RBPJ: variants seen among roughly 807,000 people sequenced by gnomAD.
The protein encoded by RBPJ is recombining binding protein suppressor of hairless.
Under a neutral mutation model 67.8 loss-of-function variants are expected in RBPJ, and 9 were observed. That is an observed-to-expected ratio of 0.13 (90% CI 0.08 to 0.23). The LOEUF (loss-of-function observed/expected upper bound fraction) is 0.23. RBPJ is among the 10% of genes least tolerant of loss of function. RBPJ has a pLI of 1.00. For missense variants in RBPJ, 305 were observed against 595.6 expected (o/e 0.51, Z 5.08); for synonymous variants, 198 against 203.3 (o/e 0.97, Z 0.22).
chr4:26,264,296 C>T lies in RBPJ; in HGVS notation c.-166-98150C>T, dbSNP rs981210071. Among the ~76,000 whole-genome samples, 1 of 152,150 alleles carries T rather than the reference C, an allele frequency of 6.6e-6. No homozygotes were observed. Among genetic ancestry groups the T allele is most frequent in the African/African-American group, 2.4e-5 (1 of 41,438 alleles). On this transcript the variant is annotated intron_variant, in intron 1 of 4. Transcript: ENST00000512351. The surrounding 1 kb of genome is among the most constrained non-coding windows in gnomAD (Gnocchi z 4.1). ...TCAATGAATACTTATTAATTCAGATCTTAGTAATTAATTATTATTAATACT... is the reference window on the plus strand; with the variant it reads ...TCAATGAATACTTATTAATTCAGATTTTAGTAATTAATTATTATTAATACT...
At position 26,276,044 on chromosome 4, in the gene RBPJ, G is replaced by A. The variant is rs1175052631; in HGVS notation, c.-166-86402G>A. On this transcript the variant is annotated intron_variant, in intron 1 of 4. Transcript: ENST00000512351. ...AATCCCAGCACTTTGGGAGGCCTAG[G>A]TGGGTGGATCACTTCAGGTCAGGAG... Among the ~76,000 whole-genome samples the A allele has an allele frequency of 2.6e-5, 4 of 151,458 alleles. No homozygotes were observed. The East Asian group carries it at 7.8e-4, about 29-fold the overall frequency.
At chr4:26,148,916 C>T in the RBPJ span, among the ~76,000 whole-genome samples, 1 of 152,108 alleles carries the variant, frequency 6.6e-6, no homozygotes, top group African/African-American at 2.4e-5. Flanking sequence ...GACCTTTCCC[C>T]TGAGAAATTT....
At chr4:26,180,880 G>C (rs899332655) in intron 1 of RBPJ, among the ~76,000 whole-genome samples, 1 of 152,170 alleles carries the variant, frequency 6.6e-6, no homozygotes, top group Admixed American at 6.5e-5. Flanking sequence ...GTAGACTAGG[G>C]ATTTACATGG....
intron 1 of RBPJ, chr4:26,272,591 A>C: frequency 2.4e-6 from 1 of 414,828 alleles, no homozygotes; most frequent in Non-Finnish European, 4.7e-6. Context: ...AAATAAAATA[A>C]ATAAAAAATA....
the RBPJ span, among the ~76,000 whole-genome samples, chr4:26,120,518 T>C: frequency 6.6e-6 from 1 of 152,180 alleles, no homozygotes. Flanking sequence ...GTGAAATGCA[T>C]ACATTCTCAT....
intron 1 of RBPJ, among the ~76,000 whole-genome samples, chr4:26,232,045 C>G (rs535966156): frequency 6.6e-6 from 1 of 151,604 alleles, no homozygotes; most frequent in African/African-American, 2.4e-5. Flanking sequence ...GCATGCATCA[C>G]CATGCTCGGC....
intron 1 of RBPJ, among the ~76,000 whole-genome samples, chr4:26,371,899 A>G (rs1729194670): frequency 6.6e-6 from 1 of 152,218 alleles, no homozygotes; most frequent in Non-Finnish European, 1.5e-5. Context: ...GGAACAGAAT[A>G]TGGCTTCCTT....
the RBPJ span, among the ~76,000 whole-genome samples, chr4:26,139,951 G>A: frequency 6.6e-6 from 1 of 152,204 alleles, no homozygotes; most frequent in Non-Finnish European, 1.5e-5. Flanking sequence ...GGTCATGAGA[G>A]GGGTGGGACA....
chr4:26,335,511 G>A (rs1008055345), intron 1 of RBPJ, among the ~76,000 whole-genome samples: 2 of 151,228 alleles, frequency 1.3e-5, no homozygotes, highest in African/African-American at 4.9e-5. Flanking sequence ...GATATTCTGC[G>A]TTCTCTTCTT....
the RBPJ span, among the ~76,000 whole-genome samples, chr4:26,108,490 C>T: frequency 2.6e-5 from 4 of 152,172 alleles, no homozygotes; most frequent in South Asian, 4.1e-4. Flanking sequence ...ACAAAGTCTG[C>T]GCTAGAGCCA....
chr4:26,425,194 ACT>A (rs1056627793), intron 7 of RBPJ, among the ~76,000 whole-genome samples: 14 of 152,106 alleles, frequency 9.2e-5, no homozygotes, highest in African/African-American at 2.4e-4. Flanking sequence ...TTGTTAGCTT[ACT>A]CTCTCACAAG....
chr4:26,122,215 T>G, the RBPJ span, among the ~76,000 whole-genome samples: 1 of 152,146 alleles, frequency 6.6e-6, no homozygotes, highest in Non-Finnish European at 1.5e-5. Context: ...CAAAGTGAAG[T>G]GATCAAGAGA....
intron 3 of RBPJ, among the ~76,000 whole-genome samples, chr4:26,407,865 A>AG (rs1284553339): frequency 6.9e-6 from 1 of 144,522 alleles, no homozygotes; most frequent in African/African-American, 2.6e-5. Context: ...AGCTGAAAAG[A>AG]GGGGTAAAGC....
rs150732614 is a variant in RBPJ, at chr4:26,177,019, A to G, written c.-167+13405A>G. Reference sequence around the variant, plus strand: ...ATTCAGTAAATGTAAAGTTGCCATGAGTCTGGTTTCTTTCCTTCTTAGACT... The same window carrying G: ...ATTCAGTAAATGTAAAGTTGCCATGGGTCTGGTTTCTTTCCTTCTTAGACT... On this transcript the variant is annotated intron_variant, in intron 1 of 4. Coordinates refer to the RBPJ transcript ENST00000512351. Among the ~76,000 whole-genome samples the G allele has an allele frequency of 3.6e-3, 549 of 152,278 alleles. 2 individuals are homozygous for G. Among genetic ancestry groups the G allele is most frequent in the African/African-American group, 0.013 (520 of 41,566 alleles).
chr4:26,224,646 C>T (rs1444180422), intron 1 of RBPJ, among the ~76,000 whole-genome samples: 1 of 151,470 alleles, frequency 6.6e-6, no homozygotes, highest in Admixed American at 6.7e-5. Context: ...GCATGAGCCA[C>T]CGCACCCTGC....
Position 26,185,517 on chromosome 4 carries a change from T to C in RBPJ, c.-167+21903T>C, listed in dbSNP as rs28416713. ...ATGGAGAAGGCCAGGAAAAATAATT[T>C]TGGGGATGGTTTGATGCTTTCTGAG... is the stretch of plus-strand genomic sequence containing the variant. On this transcript the variant is annotated intron_variant, in intron 1 of 4. Coordinates refer to the RBPJ transcript ENST00000512351. Among the ~76,000 whole-genome samples the C allele has an allele frequency of 3.7e-3, 565 of 152,272 alleles. 4 individuals carry two copies. The highest frequency in any genetic ancestry group is 0.013 in the African/African-American group (535 of 41,554).
chr4:26,161,429 G>A (rs903554244), upstream of RBPJ, among the ~76,000 whole-genome samples: 13 of 152,216 alleles, frequency 8.5e-5, no homozygotes, highest in African/African-American at 2.9e-4. Flanking sequence ...TTAAAAGGTT[G>A]CAGCCCCTGA....
intron 1 of RBPJ, among the ~76,000 whole-genome samples, chr4:26,232,098 G>A (rs1365054964): frequency 6.6e-6 from 1 of 151,778 alleles, no homozygotes; most frequent in Non-Finnish European, 1.5e-5. Flanking sequence ...GTTTCACCAT[G>A]TTGGTTAGGC....
At chr4:26,213,819 A>T (rs922207557) in intron 1 of RBPJ, among the ~76,000 whole-genome samples, 1 of 151,994 alleles carries the variant, frequency 6.6e-6, no homozygotes, top group African/African-American at 2.4e-5. Flanking sequence ...CAGGAGGGAG[A>T]TGATGGCAGC....
Sources: allele counts gnomAD v4.1 joint callset (sites outside exome capture counted in the v4.1 genomes callset), GRCh38; gene constraint gnomAD v4.1.1; non-coding constraint Gnocchi (gnomAD v3.1); transcripts MANE v1.5; gene names NCBI Gene and HGNC (gene_info 2026-07-23, HGNC 2026-07-21).